Variants in NR2F1-AS1 observed in about 807,000 individuals in gnomAD.
The protein encoded by NR2F1-AS1 is NR2F1 regulatory antisense RNA 1, also known as NR2F1 antisense RNA 1.
intron 4 of NR2F1-AS1, among the ~76,000 whole-genome samples, chr5:93,468,442 T>C (rs1301623929): frequency 6.6e-6 from 1 of 152,244 alleles, no homozygotes; most frequent in Non-Finnish European, 1.5e-5. Context: ...GCTGCATAAA[T>C]GTCTTCTTTT....
intron 1 of NR2F1-AS1, among the ~76,000 whole-genome samples, chr5:93,580,190 G>A (rs1407202977): frequency 6.6e-6 from 1 of 152,214 alleles, no homozygotes; most frequent in African/African-American, 2.4e-5. Flanking sequence ...GTGGGGGTGG[G>A]AGCAGCCTGT....
chr5:93,459,656 C>T (rs572282435), intron 4 of NR2F1-AS1, among the ~76,000 whole-genome samples: 2 of 152,224 alleles, frequency 1.3e-5, no homozygotes, highest in African/African-American at 4.8e-5. Flanking sequence ...TTTTTAAATA[C>T]TAGCCAATCT....
At chr5:93,411,372 A>AATG (rs1748852429) in intron 4 of NR2F1-AS1, 1 of 152,058 alleles carries the variant, frequency 6.6e-6, no homozygotes, top group Admixed American at 6.6e-5. Flanking sequence ...CGGCATTCTT[A>AATG]ATGTCTTGAT....
chr5:93,501,600 T>C (rs1751081530), intron 4 of NR2F1-AS1, among the ~76,000 whole-genome samples: 1 of 152,042 alleles, frequency 6.6e-6, no homozygotes, highest in African/African-American at 2.4e-5. Context: ...GTGATCCACC[T>C]GTCTCTGCCT....
At chr5:93,440,235 C>G (rs557907250) in intron 4 of NR2F1-AS1, among the ~76,000 whole-genome samples, 25 of 151,808 alleles carry the variant, frequency 1.6e-4, no homozygotes, top group East Asian at 7.7e-4. Context: ...CACACACACA[C>G]AGAGAAAGTT....
At chr5:93,466,025 T>C (rs1440339045) in intron 4 of NR2F1-AS1, among the ~76,000 whole-genome samples, 1 of 151,854 alleles carries the variant, frequency 6.6e-6, no homozygotes, top group Admixed American at 6.6e-5. Context: ...TATACATATG[T>C]AACAAACCTG....
At chr5:93,451,245 A>C (rs1318261783) in intron 4 of NR2F1-AS1, among the ~76,000 whole-genome samples, 1 of 151,508 alleles carries the variant, frequency 6.6e-6, no homozygotes, top group Admixed American at 6.6e-5. Flanking sequence ...GTTTTGATTA[A>C]TATAATGATA....
intron 1 of NR2F1-AS1, among the ~76,000 whole-genome samples, chr5:93,568,284 T>C: frequency 6.6e-6 from 1 of 152,342 alleles, no homozygotes; most frequent in East Asian, 1.9e-4. Flanking sequence ...ATAAACATAA[T>C]AAATGTACAG....
At chr5:93,462,170 A>G (rs1750109529) in intron 4 of NR2F1-AS1, among the ~76,000 whole-genome samples, 1 of 152,170 alleles carries the variant, frequency 6.6e-6, no homozygotes, top group Non-Finnish European at 1.5e-5. Context: ...TCTCATCTTG[A>G]ATTGTAACCC....
rs1000517034 is a variant in NR2F1-AS1, at chr5:93,540,792, A to G, written n.638+12969T>C. 3.3e-5 allele frequency among the ~76,000 whole-genome samples: 5 copies of G among 152,320 alleles called. No homozygotes were observed. The East Asian group carries it at 9.6e-4, about 29-fold the overall frequency. ...ACAAGTGTACACTTTGCCACTGGAAAATACAATAAAATTGTGGTACAGCTG... is the reference window on the plus strand; with the variant it reads ...ACAAGTGTACACTTTGCCACTGGAAGATACAATAAAATTGTGGTACAGCTG... On this transcript the variant is annotated intron_variant and non_coding_transcript_variant, in intron 4 of 5. Transcript: ENST00000660523.
At chr5:93,469,920 G>A (rs941734907) in intron 4 of NR2F1-AS1, among the ~76,000 whole-genome samples, 6 of 152,044 alleles carry the variant, frequency 3.9e-5, no homozygotes, top group Admixed American at 6.5e-5. Flanking sequence ...TGTGACAAGT[G>A]CAAAATATAA....
chr5:93,488,239 T>C (rs1750767147), intron 4 of NR2F1-AS1, among the ~76,000 whole-genome samples: 1 of 152,060 alleles, frequency 6.6e-6, no homozygotes, highest in South Asian at 2.1e-4. Context: ...ATTTGACAAA[T>C]GGAATCTAAT....
chr5:93,414,167 T>C (rs527872166), intron 4 of NR2F1-AS1, among the ~76,000 whole-genome samples: 2 of 152,336 alleles, frequency 1.3e-5, no homozygotes, highest in African/African-American at 2.4e-5. Flanking sequence ...AATTGGATAA[T>C]GGATTTAGGC....
intron 4 of NR2F1-AS1, among the ~76,000 whole-genome samples, chr5:93,549,794 A>T (rs1752182287): frequency 6.6e-6 from 1 of 152,120 alleles, no homozygotes; most frequent in Non-Finnish European, 1.5e-5. Context: ...ATAAAAAAGG[A>T]TGGGTTCATG....
At chr5:93,515,751 G>A (rs1275398113) in intron 4 of NR2F1-AS1, among the ~76,000 whole-genome samples, 5 of 151,916 alleles carry the variant, frequency 3.3e-5, no homozygotes, top group African/African-American at 4.8e-5. Context: ...ATAAATAGAT[G>A]ATTGAATAGA....
At chr5:93,521,371 GT>G (rs778557967) in intron 4 of NR2F1-AS1, among the ~76,000 whole-genome samples, 1 of 151,982 alleles carries the variant, frequency 6.6e-6, no homozygotes, top group Non-Finnish European at 1.5e-5. Flanking sequence ...TGGAATCTAG[GT>G]ATACTTAAGA....
chr5:93,507,398 C>T (rs1378265168), intron 4 of NR2F1-AS1, among the ~76,000 whole-genome samples: 1 of 152,026 alleles, frequency 6.6e-6, no homozygotes, highest in African/African-American at 2.4e-5. Flanking sequence ...GCTCTTGTTG[C>T]CCAGGCTGGA....
chr5:93,416,303 T>C (rs1378282799), intron 4 of NR2F1-AS1, among the ~76,000 whole-genome samples: 1 of 152,256 alleles, frequency 6.6e-6, no homozygotes, highest in Non-Finnish European at 1.5e-5. Context: ...AAATTCATTA[T>C]GCAGTAATTT....
chr5:93,506,740 G>A (rs989501252), intron 4 of NR2F1-AS1, among the ~76,000 whole-genome samples: 6 of 152,028 alleles, frequency 3.9e-5, no homozygotes, highest in East Asian at 1.9e-4. Context: ...TAGCTCCCCC[G>A]GGTCCCTCCC....
Sources: gnomAD v4.1 joint callset for allele counts (sites outside exome capture counted in the v4.1 genomes callset) on GRCh38, gnomAD v4.1.1 for gene constraint, MANE v1.5 for transcripts, NCBI Gene and HGNC (gene_info 2026-07-23, HGNC 2026-07-21) for gene names.